The following TCF4 variants were observed in gnomAD, a reference collection of about 807,000 sequenced individuals.
TCF4 encodes SL3-3 enhancer factor 2.
In TCF4, 3 loss-of-function variants were observed where a neutral mutation model predicts 82.1. The ratio of observed to expected loss-of-function variants is 0.04; its 90% CI spans 0.02 to 0.09. The LOEUF (loss-of-function observed/expected upper bound fraction) is 0.09, where lower values mean the gene tolerates loss of function less well. Ranked by LOEUF, TCF4 falls within the 10% of genes least tolerant of loss-of-function variation. TCF4 has a pLI of 1.00. For missense variants in TCF4, 518 were observed against 852.7 expected (o/e 0.61, Z 4.89); for synonymous variants, 276 against 309.6 (o/e 0.89, Z 1.14).
chr18:55,490,682 T>C (rs1459921797), intron 3 of TCF4, among the ~76,000 whole-genome samples: 1 of 152,008 alleles, frequency 6.6e-6, no homozygotes, highest in Non-Finnish European at 1.5e-5. Flanking sequence ...TTCAGGCACG[T>C]TAGCAACCTC....
chr18:55,313,281 A>G (rs1180656783), intron 8 of TCF4, among the ~76,000 whole-genome samples: 1 of 152,150 alleles, frequency 6.6e-6, no homozygotes, highest in East Asian at 1.9e-4. Context: ...TTTTGTTGTG[A>G]AGCCGGGGGG....
intron 3 of TCF4, among the ~76,000 whole-genome samples, chr18:55,477,804 G>A (rs1456162276): frequency 6.6e-6 from 1 of 152,138 alleles, no homozygotes; most frequent in African/African-American, 2.4e-5. Flanking sequence ...AGATGAGAAC[G>A]CATCAACTGA....
intron 5 of TCF4, among the ~76,000 whole-genome samples, chr18:55,410,405 G>T (rs1347108649): frequency 1.3e-5 from 2 of 151,856 alleles, no homozygotes; most frequent in African/African-American, 2.4e-5. Context: ...TCACTTCAGG[G>T]CTCTGCCTAA....
At chr18:55,275,888 G>A (rs1417719266) in intron 9 of TCF4, 136 bp from the exon 10 acceptor site, 2 of 1,100,546 alleles carry the variant, frequency 1.8e-6, no homozygotes, top group Admixed American at 3.7e-5. Context: ...TACATCAGAA[G>A]ACAGTCATCA....
At chr18:55,595,891 G>A (rs2097690362) in intron 2 of TCF4, among the ~76,000 whole-genome samples, 1 of 152,132 alleles carries the variant, frequency 6.6e-6, no homozygotes. Flanking sequence ...CATTTTGTCT[G>A]TACGTCGGTG....
At chr18:55,323,301 C>T (rs957800771) in intron 8 of TCF4, among the ~76,000 whole-genome samples, 26 of 152,142 alleles carry the variant, frequency 1.7e-4, no homozygotes, top group African/African-American at 4.8e-4. Context: ...TACATCTATT[C>T]TCAAGAATCA....
chr18:55,586,367 A>C (rs1261895855), intron 2 of TCF4: 8 of 586,236 alleles, frequency 1.4e-5, no homozygotes, highest in Non-Finnish European at 2.1e-5. Context: ...CATGTCTGGG[A>C]CTTGGTTTAG....
chr18:55,395,661 C>T lies in TCF4; in HGVS notation c.369+7793G>A, dbSNP rs550375710. ...CTAAAGGTATTGTTTCAGAATCTCG[C>T]TGTATGTAGCTCTTGTGTTTTTGGA... On this transcript the variant is annotated intron_variant, in intron 6 of 19. Coordinates refer to ENST00000354452, the MANE Select transcript of TCF4 (RefSeq NM_001083962.2). Among the ~76,000 whole-genome samples, 4 of 152,318 alleles carry T rather than the reference C, an allele frequency of 2.6e-5. No individual in the cohort carries two copies. In the East Asian group the frequency reaches 7.7e-4, roughly 29 times the overall value.
At chr18:55,458,648 G>A (rs1052825341) in intron 5 of TCF4, among the ~76,000 whole-genome samples, 7 of 152,124 alleles carry the variant, frequency 4.6e-5, no homozygotes, top group Admixed American at 6.5e-5. Context: ...AAATCAATGA[G>A]AATCTTTGTT....
chr18:55,322,349 T>G (rs1279313336), intron 8 of TCF4: 1 of 1,000,298 alleles, frequency 1.0e-6, no homozygotes, highest in Non-Finnish European at 1.2e-6. Context: ...CTGTCTCTGC[T>G]GCTGGCTAGC....
chr18:55,622,545 T>C (rs1456113151), intron 2 of TCF4, among the ~76,000 whole-genome samples: 1 of 151,864 alleles, frequency 6.6e-6, no homozygotes, highest in African/African-American at 2.4e-5. Flanking sequence ...TTGTTTAGTT[T>C]ATCATAATAG....
At chr18:55,558,258 T>C (rs2147257820) in intron 3 of TCF4, among the ~76,000 whole-genome samples, 1 of 152,236 alleles carries the variant, frequency 6.6e-6, no homozygotes, top group East Asian at 1.9e-4. Context: ...AGTAGAAACT[T>C]GTATCTCCAA....
intron 3 of TCF4, among the ~76,000 whole-genome samples, chr18:55,527,969 C>T (rs1003214234): frequency 2.6e-5 from 4 of 152,120 alleles, no homozygotes; most frequent in African/African-American, 9.7e-5. Flanking sequence ...AAAAAGAAGC[C>T]AGAGCTAAGA....
intron 10 of TCF4, among the ~76,000 whole-genome samples, chr18:55,271,209 G>C (rs1600918223): frequency 6.6e-6 from 1 of 151,900 alleles, no homozygotes; most frequent in Non-Finnish European, 1.5e-5. Flanking sequence ...TTCTCTCTAG[G>C]TCCCTAATGC....
At chr18:55,421,370 T>A (rs2094747828) in intron 5 of TCF4, among the ~76,000 whole-genome samples, 2 of 152,208 alleles carry the variant, frequency 1.3e-5, no homozygotes, top group African/African-American at 4.8e-5. Context: ...ATTTTAAAAT[T>A]TTCGTGAAAT....
chr18:55,267,578 A>G lies in TCF4; in HGVS notation c.922+2253T>C, dbSNP rs537624651. 3.3e-5 allele frequency: 5 copies of G among 152,272 alleles called. 1 individual carries two copies. In the South Asian group the frequency reaches 8.3e-4, roughly 25 times the overall value. The allele number at this position is 152,272 out of a possible 1,614,324, so 9.4% of individuals were successfully genotyped here. A position where few individuals can be genotyped will look rare whatever the true frequency, so the allele number is the denominator to read the frequency against. The stretch of plus-strand genomic sequence containing the variant: ...CACGTACGCAATTGGTGAACATATT[A>G]TTTTAAAGAAAAACATTCTAGAATG... On this transcript the variant is annotated intron_variant, in intron 11 of 19. Transcript: ENST00000354452.
chr18:55,299,534 G>T (rs1177740216), intron 8 of TCF4, among the ~76,000 whole-genome samples: 1 of 150,524 alleles, frequency 6.6e-6, no homozygotes, highest in Non-Finnish European at 1.5e-5. Context: ...TTACTCATGA[G>T]ATACCACATT....
intron 6 of TCF4, among the ~76,000 whole-genome samples, chr18:55,379,313 G>A (rs1001280269): frequency 1.3e-5 from 2 of 152,216 alleles, no homozygotes; most frequent in Non-Finnish European, 2.9e-5. Context: ...AACTCAACAA[G>A]CCCATTGAGC....
At chr18:55,577,034 T>C (rs1398905453) in intron 3 of TCF4, among the ~76,000 whole-genome samples, 1 of 149,252 alleles carries the variant, frequency 6.7e-6, no homozygotes, top group Non-Finnish European at 1.5e-5. Context: ...GTCCTCTAAT[T>C]GCTAACATGG....
Sources: allele counts gnomAD v4.1 joint callset (sites outside exome capture counted in the v4.1 genomes callset), GRCh38; gene constraint gnomAD v4.1.1; transcripts MANE v1.5; gene names NCBI Gene and HGNC (gene_info 2026-07-23, HGNC 2026-07-21).